IFRD1: variants seen among roughly 807,000 people sequenced by gnomAD.
IFRD1 encodes the protein interferon related developmental regulator 1.
IFRD1 carries 35 observed loss-of-function variants against 52.9 expected under a neutral mutation model. That is an observed-to-expected ratio of 0.66 (90% CI 0.51 to 0.88). The LOEUF (loss-of-function observed/expected upper bound fraction) is 0.88, where lower values mean the gene tolerates loss of function less well. Among genes scored for constraint, IFRD1 ranks in the 40% least tolerant of loss-of-function variants. The probability of loss-of-function intolerance (pLI) is 0.00; values close to 1 mark genes in which losing one functional copy is unlikely to be tolerated. For missense variants in IFRD1, 517 were observed against 550.8 expected, an observed-to-expected ratio of 0.94 and a Z score of 0.61; for synonymous variants, 184 against 188.4, an observed-to-expected ratio of 0.98 and a Z score of 0.19.
chr7:112,471,616 A>G (rs1795749131), intron 9 of IFRD1, among the ~76,000 whole-genome samples: 1 of 152,036 alleles, frequency 6.6e-6, no homozygotes, highest in South Asian at 2.1e-4. Flanking sequence ...TTTCTGTGTC[A>G]TTTGGGCTGC....
At chr7:112,464,121 G>A (rs1315734369) in intron 8 of IFRD1, among the ~76,000 whole-genome samples, 1 of 150,878 alleles carries the variant, frequency 6.6e-6, no homozygotes, top group African/African-American at 2.4e-5. Flanking sequence ...ATTAAATCCA[G>A]GGCGTTAGTG....
chr7:112,455,720 A>G, intron 1 of IFRD1, 43 bp from the exon 2 acceptor site: 2 of 1,273,346 alleles, frequency 1.6e-6, no homozygotes, highest in Non-Finnish European at 2.3e-6. Flanking sequence ...ATTTAGGTAT[A>G]TGGCAATAAA....
intron 1 of IFRD1, among the ~76,000 whole-genome samples, chr7:112,433,617 G>C (rs994957048): frequency 6.6e-6 from 1 of 152,152 alleles, no homozygotes; most frequent in African/African-American, 2.4e-5. Flanking sequence ...CAGGCAGAAA[G>C]GGGTTTTGTT....
intron 1 of IFRD1, among the ~76,000 whole-genome samples, chr7:112,425,785 C>G (rs1344507657): frequency 1.3e-5 from 2 of 152,126 alleles, no homozygotes; most frequent in African/African-American, 4.8e-5. Context: ...CACTGGGGCA[C>G]TACTCCTTCA....
Position 112,462,148 on chromosome 7 carries a change from C to T in IFRD1, c.766C>T (p.Pro256Ser). Residue 256 changes from proline to serine, a missense_variant, in exon 7 of 12, where the codon CCA becomes TCA. Physicochemically the swap from Pro to Ser is moderately conservative, Grantham distance 74. Transcript: ENST00000403825. Reference sequence around the variant, plus strand: ...ATGGACACTACTGCTGACCATATGCCCAATCAATGAAGTGAAGAAAAAGCT... The same window carrying T: ...ATGGACACTACTGCTGACCATATGCTCAATCAATGAAGTGAAGAAAAAGCT... ...LAWTLLLTIC[P>S]INEVKKKLEM... 1 of 1,613,610 alleles carries T rather than the reference C, an allele frequency of 6.2e-7. No individual in the cohort carries two copies. The highest frequency in any genetic ancestry group is 8.5e-7 in the Non-Finnish European group (1 of 1,179,824).
chr7:112,446,838 T>G (rs10155986), upstream of IFRD1, among the ~76,000 whole-genome samples: 97,443 of 151,924 alleles, frequency 0.64, 31,640 homozygotes, highest in Non-Finnish European at 0.7. Flanking sequence ...GAGAGAGGTA[T>G]GTGCCAAACC....
chr7:112,450,400 C>A (rs1795121328), upstream of IFRD1: 3 of 474,120 alleles, frequency 6.3e-6, no homozygotes, highest in South Asian at 6.2e-5. Context: ...CAAGCCCCGC[C>A]CACAGAGTGA....
chr7:112,423,456 A>G (rs1475375688), intron 1 of IFRD1: 1 of 152,224 alleles, frequency 6.6e-6, no homozygotes, highest in Non-Finnish European at 1.5e-5. Flanking sequence ...CCATTTGCAT[A>G]TGAGAAAACT....
At chr7:112,466,487 G>C (rs913023738) in intron 8 of IFRD1, among the ~76,000 whole-genome samples, 4 of 152,038 alleles carry the variant, frequency 2.6e-5, no homozygotes, top group African/African-American at 9.7e-5. Flanking sequence ...CTTGTGCATT[G>C]AAAGATACTT....
intron 5 of IFRD1, 151 bp downstream of exon 5, chr7:112,459,169 A>G (rs1563267371): frequency 1.4e-6 from 1 of 691,804 alleles, no homozygotes; most frequent in Non-Finnish European, 2.6e-6. Context: ...AGCTATAATC[A>G]TGCCACTGAA....
At position 112,452,843 on chromosome 7, in the gene IFRD1, TTTGA is replaced by T. The variant is rs368748193; in HGVS notation, c.94+2064_94+2067del. ...TATGTAAACAAGTGGAAAATAATTC[TTTGA>T]TTAATTTATAACACAATACATGCTT... On this transcript the variant is annotated intron_variant, in intron 1 of 11. Coordinates refer to ENST00000403825, the MANE Select transcript of IFRD1 (RefSeq NM_001550.4). Among the ~76,000 whole-genome samples, 40 of 152,352 alleles carry T rather than the reference TTTGA, an allele frequency of 2.6e-4. No homozygotes were observed. In the East Asian group the frequency reaches 5.6e-3, roughly 21 times the overall value.
At chr7:112,425,018 T>C (rs1286035473) in intron 1 of IFRD1, among the ~76,000 whole-genome samples, 1 of 152,170 alleles carries the variant, frequency 6.6e-6, no homozygotes, top group Non-Finnish European at 1.5e-5. Context: ...GTTTTGTTTT[T>C]TTGAGATAGC....
In IFRD1 at chr7:112,468,133, T is replaced by C; in HGVS notation, c.1041+18T>C. 6.2e-7 allele frequency: 1 copy of C among 1,612,266 alleles called. No homozygotes were observed. Among genetic ancestry groups the C allele is most frequent in the Middle Eastern group, 1.6e-4 (1 of 6,062 alleles). ...CAGTGGAGGTAGGCTTCTTAAATGC[T>C]GTAATAGCTTCTCATTTTGAAATTG... On this transcript the variant is annotated intron_variant, in intron 9 of 11. Coordinates refer to ENST00000403825, the MANE Select transcript of IFRD1 (RefSeq NM_001550.4).
chr7:112,468,260 TAAGTG>T, intron 9 of IFRD1, 145 bp downstream of exon 9: 1 of 833,066 alleles, frequency 1.2e-6, no homozygotes, highest in African/African-American at 1.8e-5. Context: ...TTTAACAATA[TAAGTG>T]AAGACTTTTT....
chr7:112,438,035 T>C (rs1444415694), intron 1 of IFRD1, among the ~76,000 whole-genome samples: 1 of 152,162 alleles, frequency 6.6e-6, no homozygotes, highest in Non-Finnish European at 1.5e-5. Flanking sequence ...AGAGTGGATA[T>C]GTTTTTCATT....
intron 1 of IFRD1, among the ~76,000 whole-genome samples, chr7:112,431,103 G>C (rs1794538061): frequency 1.3e-5 from 2 of 152,034 alleles, no homozygotes; most frequent in African/African-American, 4.8e-5. Context: ...CCAGTATCCT[G>C]TGTATCCTGT....
In IFRD1 at chr7:112,455,413, A is replaced by G. The variant is rs529775908; in HGVS notation, c.95-350A>G. Among the ~76,000 whole-genome samples, 6 of 152,190 alleles carry G rather than the reference A, an allele frequency of 3.9e-5. No homozygotes were observed. In the South Asian group the frequency reaches 1.2e-3, roughly 32 times the overall value. ...GGCAGGAGAATTGCTCGAACCCAGG[A>G]GGTGGAGGTTACAGTGAGCCAAGAT... On this transcript the variant is annotated intron_variant, in intron 1 of 11. Transcript: ENST00000403825.
chr7:112,454,836 A>G (rs1795246574), intron 1 of IFRD1, among the ~76,000 whole-genome samples: 1 of 150,228 alleles, frequency 6.7e-6, no homozygotes, highest in Admixed American at 6.6e-5. Context: ...GTCTAGAAAT[A>G]ATTATTTCAT....
chr7:112,458,740 A>T (rs1212114527), intron 4 of IFRD1, 121 bp from the exon 5 acceptor site: 2 of 857,182 alleles, frequency 2.3e-6, no homozygotes, highest in Admixed American at 4.0e-5. Flanking sequence ...CAAAGCCTGG[A>T]GCATGGGGTT....
Sources: gnomAD v4.1 joint callset for allele counts (sites outside exome capture counted in the v4.1 genomes callset) on GRCh38, gnomAD v4.1.1 for gene constraint, MANE v1.5 for transcripts, NCBI Gene and HGNC (gene_info 2026-07-23, HGNC 2026-07-21) for gene names.